DSCAM: variants seen among roughly 807,000 people sequenced by gnomAD.
DSCAM encodes the protein cell adhesion molecule DSCAM.
Under a neutral mutation model 217.7 loss-of-function variants are expected in DSCAM, and 47 were observed. The observed-to-expected ratio is 0.22, with a 90% CI of 0.17 to 0.28. DSCAM has a LOEUF of 0.28. DSCAM is among the 10% of genes least tolerant of loss of function. The pLI, the probability that DSCAM is intolerant of heterozygous loss-of-function variation, is 1.00. For synonymous variants in DSCAM, 1,056 were observed against 1,015.3 expected (o/e 1.04, Z -0.76); for missense variants, 2,080 against 2,618.3 (o/e 0.79, Z 4.49).
At chr21:40,351,081 A>G (rs558144166) in intron 5 of DSCAM, among the ~76,000 whole-genome samples, 1 of 151,984 alleles carries the variant, frequency 6.6e-6, no homozygotes, top group South Asian at 2.1e-4. Context: ...TCACTAGGTC[A>G]TAGGTCTTTT....
intron 1 of DSCAM, among the ~76,000 whole-genome samples, chr21:40,806,682 T>G (rs1234964282): frequency 1.3e-5 from 2 of 152,198 alleles, no homozygotes; most frequent in Non-Finnish European, 2.9e-5. Flanking sequence ...GCGGCACTGT[T>G]CACAATAGCA....
intron 3 of DSCAM, among the ~76,000 whole-genome samples, chr21:40,528,943 G>A (rs367768172): frequency 2.2e-4 from 26 of 119,004 alleles, no homozygotes; most frequent in African/African-American, 6.5e-4. Context: ...TCACTCTGTC[G>A]CCCAGGCTGG....
At chr21:40,511,647 ACT>A (rs1458093636) in intron 3 of DSCAM, among the ~76,000 whole-genome samples, 1 of 151,798 alleles carries the variant, frequency 6.6e-6, no homozygotes, top group Non-Finnish European at 1.5e-5. Context: ...CCAGTAAAAC[ACT>A]CTCTTTGCAC....
chr21:40,372,909 C>T (rs1443025936), intron 3 of DSCAM, among the ~76,000 whole-genome samples: 4 of 152,150 alleles, frequency 2.6e-5, no homozygotes, highest in African/African-American at 7.2e-5. Flanking sequence ...GGTGTCAGTT[C>T]AGTCAGCCTG....
chr21:40,095,163 A>C lies in DSCAM; in HGVS notation c.3697-1289T>G, dbSNP rs373119482. ...GCAAGAAAGAATGAGGCCAAGCAAA[A>C]GGGGTTCCCCCTTGTAAAACCATTA... On this transcript the variant is annotated intron_variant, in intron 20 of 32. Coordinates refer to ENST00000400454, the MANE Select transcript of DSCAM (RefSeq NM_001389.5). Among the ~76,000 whole-genome samples, 8 of 152,368 alleles carry C rather than the reference A, an allele frequency of 5.3e-5. No homozygotes were observed. In the East Asian group the frequency reaches 1.3e-3, roughly 26 times the overall value.
At chr21:40,071,050 G>A (rs1455044862) in intron 27 of DSCAM, among the ~76,000 whole-genome samples, 1 of 152,200 alleles carries the variant, frequency 6.6e-6, no homozygotes, top group Admixed American at 6.5e-5. Flanking sequence ...GCCAACAGAA[G>A]CTTGTGCCTT....
chr21:40,061,503 A>G (rs1367891530), intron 28 of DSCAM, among the ~76,000 whole-genome samples: 2 of 149,040 alleles, frequency 1.3e-5, no homozygotes, highest in Non-Finnish European at 3.0e-5. Flanking sequence ...TCTGAGGCGG[A>G]GGTTGCAGTG....
chr21:40,098,396 T>C (rs1360410108), intron 20 of DSCAM, among the ~76,000 whole-genome samples: 2 of 152,232 alleles, frequency 1.3e-5, no homozygotes, highest in African/African-American at 4.8e-5. Context: ...TAGGTGGAGC[T>C]GGATCCATTT....
Position 40,144,470 on chromosome 21 carries a change from C to G in DSCAM, c.3259+21G>C. The G allele has an allele frequency of 6.2e-7, 1 of 1,612,150 alleles. No individual in the cohort carries two copies. ...ACCTTTGCGGAGGGAAAAGCCACGA[C>G]CAGGCCCCGGCCGAACCTACCATCC... On this transcript the variant is annotated intron_variant, in intron 17 of 32. Coordinates refer to ENST00000400454, the MANE Select transcript of DSCAM (RefSeq NM_001389.5). The surrounding 1 kb of genome is among the most constrained non-coding windows in gnomAD (Gnocchi z 4.8).
At chr21:40,729,146 A>G (rs2090986996) in intron 1 of DSCAM, among the ~76,000 whole-genome samples, 1 of 152,244 alleles carries the variant, frequency 6.6e-6, no homozygotes, top group Non-Finnish European at 1.5e-5. Flanking sequence ...TAAGTAATCT[A>G]AATACAAAAC....
chr21:40,292,137 A>C (rs1330670176), intron 10 of DSCAM, among the ~76,000 whole-genome samples: 1 of 151,442 alleles, frequency 6.6e-6, no homozygotes, highest in Non-Finnish European at 1.5e-5. Flanking sequence ...AAGAGAACTG[A>C]ATGTCTCAGA....
Position 40,692,799 on chromosome 21 carries a change from G to T in DSCAM, c.508+11C>A, listed in dbSNP as rs755351006. The T allele has an allele frequency of 1.9e-6, 3 of 1,608,290 alleles. No individual in the cohort carries two copies. Among genetic ancestry groups the T allele is most frequent in the African/African-American group, 2.7e-5 (2 of 74,862 alleles). On this transcript the variant is annotated intron_variant, in intron 3 of 32. Coordinates refer to ENST00000400454, the MANE Select transcript of DSCAM (RefSeq NM_001389.5). ...GCGTGGTGTCCTGCACCCTGGAGAC[G>T]CAAAGCCTACCTGAGACAAGTGAAA...
chr21:40,651,009 A>C (rs2090006859), intron 3 of DSCAM, among the ~76,000 whole-genome samples: 1 of 152,212 alleles, frequency 6.6e-6, no homozygotes, highest in Non-Finnish European at 1.5e-5. Flanking sequence ...AGGGTTCCTA[A>C]AGGTTGTCCA....
chr21:40,611,008 CAA>C (rs753113298), intron 3 of DSCAM, among the ~76,000 whole-genome samples: 10 of 149,484 alleles, frequency 6.7e-5, no homozygotes, highest in Middle Eastern at 3.5e-3. Context: ...TTCAGATTTT[CAA>C]AAAGTCATAT....
intron 3 of DSCAM, among the ~76,000 whole-genome samples, chr21:40,576,619 G>A (rs1391490942): frequency 2.0e-5 from 3 of 152,022 alleles, no homozygotes; most frequent in Admixed American, 6.5e-5. Context: ...GGAGAACAGA[G>A]ACAAGTTAAG....
chr21:40,535,341 C>T (rs1034182658), intron 3 of DSCAM, among the ~76,000 whole-genome samples: 2 of 152,106 alleles, frequency 1.3e-5, no homozygotes, highest in Admixed American at 1.3e-4. Flanking sequence ...TAATGTCAGA[C>T]AAAAATGCAA....
intron 11 of DSCAM, among the ~76,000 whole-genome samples, chr21:40,267,603 A>C (rs374002854): frequency 6.6e-6 from 1 of 152,194 alleles, no homozygotes; most frequent in Non-Finnish European, 1.5e-5. Flanking sequence ...ATAACATAAA[A>C]TCTGGATTAT....
intron 11 of DSCAM, among the ~76,000 whole-genome samples, chr21:40,197,644 C>T (rs945569030): frequency 2.9e-4 from 44 of 152,168 alleles, no homozygotes; most frequent in African/African-American, 1.0e-3. Context: ...CTCTTTCCTC[C>T]TTCCTTCCTC....
intron 3 of DSCAM, among the ~76,000 whole-genome samples, chr21:40,513,433 G>C (rs2146067459): frequency 6.6e-6 from 1 of 152,254 alleles, no homozygotes; most frequent in Non-Finnish European, 1.5e-5. Flanking sequence ...GATTGATTTG[G>C]CTTATGGTTC....
Sources: allele counts gnomAD v4.1 joint callset (sites outside exome capture counted in the v4.1 genomes callset), GRCh38; gene constraint gnomAD v4.1.1; non-coding constraint Gnocchi (gnomAD v3.1); transcripts MANE v1.5; gene names NCBI Gene and HGNC (gene_info 2026-07-23, HGNC 2026-07-21).